Variants in CDH13 observed in about 807,000 individuals in gnomAD.
CDH13 encodes cadherin 13.
CDH13 carries 24 observed loss-of-function variants against 63.8 expected under a neutral mutation model. The ratio of observed to expected loss-of-function variants is 0.38; its 90% CI spans 0.27 to 0.53. The LOEUF (loss-of-function observed/expected upper bound fraction) is 0.53, where lower values mean the gene tolerates loss of function less well. Ranked by LOEUF, CDH13 falls within the 20% of genes least tolerant of loss-of-function variation. CDH13 has a pLI of 0.85. For synonymous variants in CDH13, 503 were observed against 355.3 expected (o/e 1.42, Z -4.67); for missense variants, 1,049 against 903.1 (o/e 1.16, Z -2.07).
At chr16:82,793,090 G>A (rs761722862) in intron 1 of CDH13, among the ~76,000 whole-genome samples, 1 of 152,230 alleles carries the variant, frequency 6.6e-6, no homozygotes, top group Non-Finnish European at 1.5e-5. Context: ...AGCCCTCATA[G>A]CACTAAGGCA....
chr16:83,023,606 T>C (rs1400208045), intron 2 of CDH13, among the ~76,000 whole-genome samples: 1 of 152,240 alleles, frequency 6.6e-6, no homozygotes, highest in Non-Finnish European at 1.5e-5. Context: ...AAGTTGTCTC[T>C]ATAGAAACAA....
At chr16:82,715,482 A>G (rs1329077131) in intron 1 of CDH13, among the ~76,000 whole-genome samples, 4 of 152,190 alleles carry the variant, frequency 2.6e-5, no homozygotes, top group Non-Finnish European at 5.9e-5. Context: ...GATGCTGCCT[A>G]AGAAAAGCCG....
Position 83,047,292 on chromosome 16 carries a change from C to G in CDH13, c.366+15074C>G, listed in dbSNP as rs926544518. ...GGCCTCTGCTGTGAATTTAAGTCATCTAATCAAAATGCATTATTTCTGTCC... is the reference window on the plus strand; with the variant it reads ...GGCCTCTGCTGTGAATTTAAGTCATGTAATCAAAATGCATTATTTCTGTCC... On this transcript the variant is annotated intron_variant, in intron 3 of 13. Transcript: ENST00000567109. This position sits in a 1 kb window ranked among gnomAD's most constrained non-coding sequence, Gnocchi z 4.9. Among the ~76,000 whole-genome samples, 6 of 152,124 alleles carry G rather than the reference C, an allele frequency of 3.9e-5. No homozygotes were observed. Among genetic ancestry groups the G allele is most frequent in the African/African-American group, 9.7e-5 (4 of 41,416 alleles).
At chr16:83,722,873 A>G (rs549162484) in intron 10 of CDH13, among the ~76,000 whole-genome samples, 3 of 152,334 alleles carry the variant, frequency 2.0e-5, no homozygotes, top group East Asian at 3.9e-4. Flanking sequence ...ATCAGCAGCC[A>G]TGGATTGAAT....
chr16:83,787,648 A>G (rs1199576339), intron 13 of CDH13, among the ~76,000 whole-genome samples: 1 of 152,192 alleles, frequency 6.6e-6, no homozygotes, highest in Non-Finnish European at 1.5e-5. Flanking sequence ...ACTGCTCTAC[A>G]AGCAATGCTT....
At position 82,856,737 on chromosome 16, in the gene CDH13, C is replaced by A. The variant is rs286686; in HGVS notation, c.46-1625C>A. Among the ~76,000 whole-genome samples, 12 of 137,248 alleles carry A rather than the reference C, an allele frequency of 8.7e-5. No individual in the cohort carries two copies. The East Asian group carries it at 1.5e-3, about 17-fold the overall frequency. The allele number at this position is 137,248 out of a possible 152,430, so 90.0% of individuals were successfully genotyped here. A position where few individuals can be genotyped will look rare whatever the true frequency, so the allele number is the denominator to read the frequency against. ...AAAAAAAAAAGGAAACTTTAAAAGT[C>A]AAAAAAAATAGAAAAAATACCAATA... On this transcript the variant is annotated intron_variant, in intron 1 of 13. Transcript: ENST00000567109.
intron 3 of CDH13, among the ~76,000 whole-genome samples, chr16:83,050,789 C>A (rs1477397026): frequency 6.6e-6 from 1 of 152,100 alleles, no homozygotes; most frequent in Admixed American, 6.6e-5. Context: ...AGTCTGAACA[C>A]CTGTACCTCA....
chr16:82,769,336 A>G (rs556228728), intron 1 of CDH13, among the ~76,000 whole-genome samples: 16 of 152,342 alleles, frequency 1.1e-4, no homozygotes, highest in Middle Eastern at 3.4e-3. Context: ...AATCCTAATT[A>G]TACTAAGAAA....
chr16:83,014,523 C>G (rs1483287246), intron 2 of CDH13, among the ~76,000 whole-genome samples: 1 of 150,802 alleles, frequency 6.6e-6, no homozygotes, highest in African/African-American at 2.4e-5. Context: ...CACTTGAGGT[C>G]AGGAGTTGAA....
At chr16:83,253,717 A>G (rs1905869062) in intron 5 of CDH13, among the ~76,000 whole-genome samples, 2 of 152,220 alleles carry the variant, frequency 1.3e-5, no homozygotes, top group Admixed American at 1.3e-4. Context: ...ATGCTTAGAC[A>G]GGGGCTGGCA....
At chr16:83,779,717 G>C (rs936289192) in intron 11 of CDH13, among the ~76,000 whole-genome samples, 1 of 152,050 alleles carries the variant, frequency 6.6e-6, no homozygotes, top group African/African-American at 2.4e-5. Context: ...AGTTAGCCAG[G>C]TGTGGTGGCG....
Position 82,774,649 on chromosome 16 carries a change from T to G in CDH13, c.46-83713T>G, listed in dbSNP as rs1035731515. Among the ~76,000 whole-genome samples the G allele has an allele frequency of 2.6e-5, 4 of 152,228 alleles. 1 individual carries two copies. The highest frequency in any genetic ancestry group is 2.9e-5 in the Non-Finnish European group (2 of 68,040). ...TAACTTAATTCTTACCATCACCCTG[T>G]GTTAAAGTTATGGTGTTCATTTTCT... On this transcript the variant is annotated intron_variant, in intron 1 of 13. Coordinates refer to ENST00000567109, the MANE Select transcript of CDH13 (RefSeq NM_001257.5).
intron 8 of CDH13, among the ~76,000 whole-genome samples, chr16:83,631,302 G>T (rs766186933): frequency 3.3e-5 from 5 of 152,138 alleles, no homozygotes; most frequent in African/African-American, 9.7e-5. Context: ...ACTGCCCTGT[G>T]TCCATAAATG....
intron 7 of CDH13, among the ~76,000 whole-genome samples, chr16:83,569,444 T>C (rs1054977386): frequency 6.6e-6 from 1 of 152,250 alleles, no homozygotes; most frequent in Non-Finnish European, 1.5e-5. Flanking sequence ...CAGTGGATAC[T>C]GGGCTGCAGC....
At chr16:83,672,095 C>T (rs769573590) in intron 9 of CDH13, among the ~76,000 whole-genome samples, 4 of 152,234 alleles carry the variant, frequency 2.6e-5, no homozygotes, top group Non-Finnish European at 4.4e-5. Context: ...TGGCTGCCCA[C>T]TCCCTGTGTG....
chr16:83,142,088 G>A (rs998309784), intron 4 of CDH13, among the ~76,000 whole-genome samples: 4 of 152,026 alleles, frequency 2.6e-5, no homozygotes, highest in African/African-American at 7.2e-5. Flanking sequence ...TAACCGAAAC[G>A]GGCTATCTGG....
intron 6 of CDH13, among the ~76,000 whole-genome samples, chr16:83,379,934 T>TAGAGAGAGAGAG (rs367543331): frequency 5.5e-4 from 48 of 86,668 alleles, no homozygotes; most frequent in Non-Finnish European, 8.3e-4. Context: ...TATATATATA[T>TAGAGAGAGAGAG]ATATAGAGAG....
intron 6 of CDH13, among the ~76,000 whole-genome samples, chr16:83,484,432 G>A (rs1202983486): frequency 6.6e-6 from 1 of 152,156 alleles, no homozygotes; most frequent in South Asian, 2.1e-4. Context: ...GACTATATTG[G>A]GATAAAAAGT....
intron 4 of CDH13, among the ~76,000 whole-genome samples, chr16:83,216,112 G>A (rs977946108): frequency 6.6e-6 from 1 of 151,514 alleles, no homozygotes; most frequent in South Asian, 2.1e-4. Flanking sequence ...CTTTGTCTGT[G>A]CTGTTCCCTC....
Sources: allele counts gnomAD v4.1 joint callset (sites outside exome capture counted in the v4.1 genomes callset), GRCh38; gene constraint gnomAD v4.1.1; non-coding constraint Gnocchi (gnomAD v3.1); transcripts MANE v1.5; gene names NCBI Gene and HGNC (gene_info 2026-07-23, HGNC 2026-07-21).